Variants in SCN2A observed in about 807,000 individuals in gnomAD.
The protein encoded by SCN2A is sodium channel protein type 2 subunit alpha.
SCN2A carries 20 observed loss-of-function variants against 188.7 expected under a neutral mutation model. The observed-to-expected ratio is 0.11, with a 90% CI of 0.07 to 0.15. The LOEUF (loss-of-function observed/expected upper bound fraction) is 0.15, where lower values mean the gene tolerates loss of function less well. SCN2A is among the 10% of genes least tolerant of loss of function. SCN2A has a pLI of 1.00. For missense variants in SCN2A, 1,278 were observed against 2,445.0 expected (o/e 0.52, Z 10.07); for synonymous variants, 804 against 833.1 (o/e 0.97, Z 0.60).
rs750905569 is a variant in SCN2A at position 165,331,526 on chromosome 2, C to T, written c.2346C>T (p.Pro782=). The change falls in exon 14 of 27, where the codon CCC becomes CCT. Residue 782 remains proline (P), a synonymous_variant. Transcript: ENST00000375437. ...NTLFMAMEHY[P]MTEQFSSVLS... ...TCTTCATGGCTATGGAGCACTATCC[C>T]ATGACGGAGCAGTTCAGCAGTGTAC... is the stretch of plus-strand genomic sequence containing the variant. The T allele has an allele frequency of 8.1e-6, 13 of 1,613,660 alleles. No homozygotes were observed. Among genetic ancestry groups the T allele is most frequent in the Non-Finnish European group, 1.1e-5 (13 of 1,179,684 alleles).
chr2:165,379,024 A>G (rs555367449), intron 23 of SCN2A, among the ~76,000 whole-genome samples: 57 of 151,962 alleles, frequency 3.8e-4, no homozygotes, highest in South Asian at 8.3e-4. Context: ...TAGTTAAATA[A>G]TCCTTTAAAA....
chr2:165,352,720 T>C (rs1474598703), intron 16 of SCN2A, among the ~76,000 whole-genome samples: 3 of 152,176 alleles, frequency 2.0e-5, no homozygotes, highest in Non-Finnish European at 4.4e-5. Flanking sequence ...TTGTATAATA[T>C]TACCTTCAGG....
At chr2:165,349,410 G>A (rs578153182) in intron 16 of SCN2A, among the ~76,000 whole-genome samples, 5 of 152,244 alleles carry the variant, frequency 3.3e-5, no homozygotes, top group South Asian at 2.1e-4. Context: ...AGAAATATAC[G>A]TAGCAGGAGA....
chr2:165,295,348 C>T (rs1207407106), intron 1 of SCN2A, among the ~76,000 whole-genome samples: 4 of 152,200 alleles, frequency 2.6e-5, no homozygotes, highest in Admixed American at 6.5e-5. Context: ...ATCCTCAGCT[C>T]AGGTTCTACA....
At chr2:165,265,533 T>C (rs1449013073) in intron 1 of SCN2A, among the ~76,000 whole-genome samples, 3 of 122,100 alleles carry the variant, frequency 2.5e-5, no homozygotes, top group Non-Finnish European at 5.1e-5. Flanking sequence ...GCAGAAGCTC[T>C]TTAGTTTAAT....
At chr2:165,387,457 A>G (rs1158994675) in intron 26 of SCN2A, among the ~76,000 whole-genome samples, 1 of 152,160 alleles carries the variant, frequency 6.6e-6, no homozygotes, top group African/African-American at 2.4e-5. Flanking sequence ...GTGCAGTTAT[A>G]TATATAATAA....
chr2:165,373,747 T>C (rs1441282198), intron 21 of SCN2A, among the ~76,000 whole-genome samples: 1 of 152,146 alleles, frequency 6.6e-6, no homozygotes, highest in Non-Finnish European at 1.5e-5. Context: ...CTTTTGATGT[T>C]TGAATCAGGC....
chr2:165,339,880 C>T (rs1430364760), intron 14 of SCN2A, among the ~76,000 whole-genome samples: 1 of 152,100 alleles, frequency 6.6e-6, no homozygotes, highest in Non-Finnish European at 1.5e-5. Flanking sequence ...AAAACATTAA[C>T]CTACCTGACT....
At chr2:165,380,955 A>G in intron 24 of SCN2A, 138 bp from the exon 25 acceptor site, 1 of 701,474 alleles carries the variant, frequency 1.4e-6, no homozygotes, top group Non-Finnish European at 2.4e-6. Flanking sequence ...TTATATATTG[A>G]ATAAAGGCAT....
At chr2:165,324,628 AT>A (rs1315603824) in intron 12 of SCN2A, among the ~76,000 whole-genome samples, 1 of 152,102 alleles carries the variant, frequency 6.6e-6, no homozygotes, top group African/African-American at 2.4e-5. Flanking sequence ...ATAGATAACC[AT>A]GTACCAGACA....
intron 18 of SCN2A, among the ~76,000 whole-genome samples, chr2:165,366,796 A>G (rs1700753279): frequency 2.0e-5 from 3 of 152,096 alleles, no homozygotes; most frequent in African/African-American, 7.2e-5. Context: ...ATCTTTCACA[A>G]ATTTATTTAC....
At chr2:165,259,552 A>C (rs1183245819) in intron 1 of SCN2A, among the ~76,000 whole-genome samples, 1 of 152,206 alleles carries the variant, frequency 6.6e-6, no homozygotes, top group African/African-American at 2.4e-5. Context: ...CTTCACTGGG[A>C]GTAGATTCCA....
rs762680220 is a variant in SCN2A at position 165,323,342 on chromosome 2, C to T, written c.1858C>T (p.Arg620Trp). The T allele has an allele frequency of 2.0e-5, 32 of 1,614,130 alleles. 1 individual carries two copies. The highest frequency in any genetic ancestry group is 4.2e-6 in the Non-Finnish European group (5 of 1,180,026). Residue 620 changes from arginine to tryptophan, a missense_variant, in exon 12 of 27, where the codon CGG becomes TGG. Arg to Trp is a moderately radical substitution (Grantham distance 101, BLOSUM62 -3). Around this residue, in one of 17 missense-constraint regions of SCN2A, gnomAD observed 315 missense variants for 386.6 expected, o/e 0.81. Transcript: ENST00000375437. Reference protein sequence around the residue: ...SLFVPHRHGERRHSNVSQASR... With the variant: ...SLFVPHRHGEWRHSNVSQASR... ...GTTCGTGCCGCACAGACATGGAGAA[C>T]GGCGCCACAGCAATGTCAGCCAGGC...
At chr2:165,384,334 G>A (rs988118789) in intron 25 of SCN2A, among the ~76,000 whole-genome samples, 2 of 152,064 alleles carry the variant, frequency 1.3e-5, no homozygotes, top group African/African-American at 4.8e-5. Flanking sequence ...TAAATCTGAA[G>A]GGCCAAGATG....
rs373506043 is a variant in SCN2A, at chr2:165,269,840, C to G, written c.-51-25933C>G. ...GTTTAAATTTATATATTAACTTTTA[C>G]ATTTATAACATCTTATTTCTTCTGA... On this transcript the variant is annotated intron_variant, in intron 1 of 26. Transcript: ENST00000375437. The G allele has an allele frequency of 4.0e-5, 6 of 151,752 alleles. No individual in the cohort carries two copies. The East Asian group carries it at 9.6e-4, about 24-fold the overall frequency. The allele number at this position is 151,752 out of a possible 1,614,324, so 9.4% of individuals were successfully genotyped here.
chr2:165,351,121 A>G (rs1008722228), intron 16 of SCN2A, among the ~76,000 whole-genome samples: 1 of 152,198 alleles, frequency 6.6e-6, no homozygotes, highest in South Asian at 2.1e-4. Context: ...TATGCTACTT[A>G]GTAGGTAACA....
rs535436598 is a variant in SCN2A at position 165,333,002 on chromosome 2, A to G, written c.2388+1434A>G. Among the ~76,000 whole-genome samples, 11 of 152,106 alleles carry G rather than the reference A, an allele frequency of 7.2e-5. No homozygotes were observed. In the South Asian group the frequency reaches 2.3e-3, roughly 31 times the overall value. On this transcript the variant is annotated intron_variant, in intron 14 of 26. Transcript: ENST00000375437. ...TCTACTAATGTAGCTCCATGTACAG[A>G]AAGTTTGTGCCTCCTAACTAGTAGC... is the stretch of plus-strand genomic sequence containing the variant.
intron 1 of SCN2A, among the ~76,000 whole-genome samples, chr2:165,288,419 A>T (rs1414798546): frequency 6.7e-6 from 1 of 149,842 alleles, no homozygotes. Flanking sequence ...TATTTTAAGT[A>T]GTTTCTAAAT....
intron 3 of SCN2A, among the ~76,000 whole-genome samples, chr2:165,302,801 A>AGCG (rs1696894515): frequency 2.6e-5 from 4 of 152,168 alleles, no homozygotes; most frequent in African/African-American, 9.7e-5. Flanking sequence ...TGTTATGATG[A>AGCG]TCCAGGCTCC....
Sources: allele counts gnomAD v4.1 joint callset (sites outside exome capture counted in the v4.1 genomes callset), GRCh38; gene constraint gnomAD v4.1.1; regional missense constraint gnomAD v4.1.1; transcripts MANE v1.5; gene names NCBI Gene and HGNC (gene_info 2026-07-23, HGNC 2026-07-21).